SRGAP3: variants seen among roughly 807,000 people sequenced by gnomAD.
SRGAP3 encodes SLIT-ROBO Rho GTPase activating protein 3.
In SRGAP3, 39 loss-of-function variants were observed where a neutral mutation model predicts 121.1. The observed-to-expected ratio is 0.32, with a 90% CI of 0.25 to 0.42. The LOEUF (loss-of-function observed/expected upper bound fraction) is 0.42. SRGAP3 is among the 10% of genes least tolerant of loss of function. The pLI is 1.00. For synonymous variants in SRGAP3, 601 were observed against 570.0 expected (o/e 1.05, Z -0.77); for missense variants, 1,213 against 1,470.6 (o/e 0.82, Z 2.86).
intron 3 of SRGAP3, among the ~76,000 whole-genome samples, chr3:9,314,455 A>G (rs1955308795): frequency 1.3e-5 from 2 of 152,280 alleles, no homozygotes; most frequent in Middle Eastern, 3.4e-3. Context: ...AGAAGGAAGG[A>G]GAAGGAGAAG....
intron 4 of SRGAP3, among the ~76,000 whole-genome samples, chr3:9,067,484 A>G (rs150882863): frequency 2.0e-5 from 3 of 152,016 alleles, no homozygotes; most frequent in Non-Finnish European, 4.4e-5. Context: ...AGTTCCACCA[A>G]GATCACATCC....
intron 1 of SRGAP3, among the ~76,000 whole-genome samples, chr3:9,243,910 A>T (rs1476817086): frequency 3.3e-5 from 5 of 152,172 alleles, no homozygotes; most frequent in Admixed American, 6.5e-5. Flanking sequence ...ATTTTGCTTA[A>T]AAATCCAGAT....
At chr3:9,155,005 G>GC (rs1950360966) in intron 1 of SRGAP3, among the ~76,000 whole-genome samples, 1 of 141,610 alleles carries the variant, frequency 7.1e-6, no homozygotes, top group Non-Finnish European at 1.6e-5. Context: ...TTTGTTTTTT[G>GC]TTTTTTTTTT....
chr3:9,032,657 A>C lies in SRGAP3; in HGVS notation c.1532T>G (p.Phe511Cys). The change falls in exon 12 of 22, where the codon TTC (phenylalanine) becomes TGC (cysteine). Residue 511 changes from phenylalanine (F) to cysteine (C), a missense_variant. Physicochemically the swap from Phe to Cys is radical, Grantham distance 205. Transcript: ENST00000383836. Reference protein sequence around the residue: ...HKLFNGSMEAFIKDSGQAIPL... With the variant: ...HKLFNGSMEACIKDSGQAIPL... ...CGGCTCCCCAGCAAGTACCTTAATG[A>C]ATGCTTCCATACTGCCGTTAAAGAG... The C allele has an allele frequency of 6.2e-7, 1 of 1,613,428 alleles. No individual in the cohort carries two copies. The highest frequency in any genetic ancestry group is 8.5e-7 in the Non-Finnish European group (1 of 1,179,724).
chr3:9,346,771 T>G (rs1331044672), intron 1 of SRGAP3, among the ~76,000 whole-genome samples: 12 of 97,268 alleles, frequency 1.2e-4, no homozygotes, highest in Non-Finnish European at 2.2e-4. Context: ...TTTTTTTTTT[T>G]GAGACAAAGT....
chr3:9,069,702 C>A (rs1447742500), intron 4 of SRGAP3, among the ~76,000 whole-genome samples: 3 of 152,102 alleles, frequency 2.0e-5, no homozygotes, highest in African/African-American at 4.8e-5. Flanking sequence ...TAATCCCAGC[C>A]CTTTGGGAGG....
intron 13 of SRGAP3, among the ~76,000 whole-genome samples, chr3:9,025,615 C>T (rs1288958089): frequency 6.6e-6 from 1 of 152,208 alleles, no homozygotes; most frequent in Non-Finnish European, 1.5e-5. Context: ...CTTTCCTTCC[C>T]TGTACACAGA....
At position 8,981,009 on chromosome 3, in the gene SRGAP3, G is replaced by A. The variant is rs950613795; in HGVS notation, c.*4510C>T. 1 of 233,182 alleles carries A rather than the reference G, an allele frequency of 4.3e-6. No individual in the cohort carries two copies. Among genetic ancestry groups the A allele is most frequent in the African/African-American group, 2.2e-5 (1 of 45,322 alleles). 14.4% of individuals were successfully genotyped at this position (233,182 alleles called of 1,614,324 possible). On this transcript the variant is annotated 3_prime_UTR_variant, in exon 22 of 22. Transcript: ENST00000383836. ...TTGTTCTGGTTCAAGGAACAGCTTT[G>A]TTATTGGCCGGGGACAACTCACACA...
chr3:9,029,629 T>G (rs1944380015), intron 12 of SRGAP3, among the ~76,000 whole-genome samples: 1 of 152,240 alleles, frequency 6.6e-6, no homozygotes, highest in Non-Finnish European at 1.5e-5. Context: ...TCAATGTTCT[T>G]TCAGAAGGCA....
intron 8 of SRGAP3, 142 bp from the exon 9 acceptor site, chr3:9,053,366 G>T: frequency 1.1e-6 from 1 of 899,310 alleles, no homozygotes; most frequent in Non-Finnish European, 1.7e-6. Flanking sequence ...CCTTCTCACT[G>T]TATTAATGTG....
chr3:9,244,001 T>A (rs893474790), intron 1 of SRGAP3, among the ~76,000 whole-genome samples: 7 of 152,134 alleles, frequency 4.6e-5, no homozygotes, highest in Non-Finnish European at 1.5e-5. Flanking sequence ...GCATCTGCCT[T>A]CTCTAGAGGA....
At chr3:8,989,960 C>A (rs1171026017) in intron 21 of SRGAP3, among the ~76,000 whole-genome samples, 4 of 152,174 alleles carry the variant, frequency 2.6e-5, no homozygotes, top group Admixed American at 2.6e-4. Context: ...TACTTTGGAC[C>A]ATTCCTTAAA....
chr3:9,119,130 T>C, intron 2 of SRGAP3, among the ~76,000 whole-genome samples: 1 of 152,166 alleles, frequency 6.6e-6, no homozygotes, highest in East Asian at 1.9e-4. Flanking sequence ...AAACAGACGA[T>C]GACAATACAG....
intron 1 of SRGAP3, among the ~76,000 whole-genome samples, chr3:9,242,348 A>C (rs1009106275): frequency 6.6e-6 from 1 of 152,192 alleles, no homozygotes; most frequent in Non-Finnish European, 1.5e-5. Context: ...TCAAAGAAAA[A>C]AGCTGAAGCC....
intron 6 of SRGAP3, 170 bp from the exon 7 acceptor site, chr3:9,058,642 C>G (rs1363679537): frequency 1.4e-5 from 9 of 649,792 alleles, no homozygotes. Flanking sequence ...CGGCGCCCCT[C>G]AAGGGGAGTT....
intron 11 of SRGAP3, chr3:9,034,094 A>G (rs557443581): frequency 6.6e-6 from 1 of 152,374 alleles, no homozygotes; most frequent in South Asian, 2.1e-4. Context: ...AACAGCCACA[A>G]ACACTGGACC....
chr3:9,197,188 A>G (rs1235935177), intron 1 of SRGAP3, among the ~76,000 whole-genome samples: 1 of 152,252 alleles, frequency 6.6e-6, no homozygotes, highest in African/African-American at 2.4e-5. Flanking sequence ...TCACCCCTGA[A>G]TTCATCATTC....
At chr3:9,351,120 T>G (rs909610163) in intron 1 of SRGAP3, among the ~76,000 whole-genome samples, 1 of 152,166 alleles carries the variant, frequency 6.6e-6, no homozygotes, top group Non-Finnish European at 1.5e-5. Context: ...AAGGAGGCTC[T>G]TGCAACCTAG....
chr3:9,282,361 A>C (rs1312015742), intron 3 of SRGAP3, among the ~76,000 whole-genome samples: 3 of 152,256 alleles, frequency 2.0e-5, no homozygotes, highest in Non-Finnish European at 4.4e-5. Context: ...AAGGAAATGT[A>C]TATTTAATAA....
Sources: gnomAD v4.1 joint callset for allele counts (sites outside exome capture counted in the v4.1 genomes callset) on GRCh38, gnomAD v4.1.1 for gene constraint, MANE v1.5 for transcripts, NCBI Gene and HGNC (gene_info 2026-07-23, HGNC 2026-07-21) for gene names.